The following STARD8 variants were observed in gnomAD, a reference collection of about 807,000 sequenced individuals.
The protein encoded by STARD8 is stAR-related lipid transfer protein 8.
STARD8 carries 25 observed loss-of-function variants against 69.4 expected under a neutral mutation model. The ratio of observed to expected loss-of-function variants is 0.36; its 90% CI spans 0.26 to 0.50. The LOEUF (loss-of-function observed/expected upper bound fraction) is 0.50, where lower values mean the gene tolerates loss of function less well. STARD8 is among the 20% of genes least tolerant of loss of function. The pLI is 0.96. For synonymous variants in STARD8, 389 were observed against 374.6 expected (o/e 1.04, Z -0.45); for missense variants, 921 against 932.5 (o/e 0.99, Z 0.16).
intron 10 of STARD8, 122 bp from the exon 11 acceptor site, chrX:68,721,925 G>A: frequency 2.5e-6 from 2 of 804,605 alleles, no homozygotes; most frequent in Non-Finnish European, 3.5e-6. Flanking sequence ...CCAAAAGGCA[G>A]CAGGTTGTTT....
Position 68,715,213 on chromosome X carries a change from G to A in STARD8, c.152-81G>A, listed in dbSNP as rs111688674. The A allele has an allele frequency of 3.1e-3, 2,676 of 862,092 alleles. 14 individuals are homozygous for A. The highest frequency in any genetic ancestry group is 0.019 in the African/African-American group (905 of 48,502). The allele number at this position is 862,092 out of a possible 1,213,427, so 71.0% of individuals were successfully genotyped here. A position where few individuals can be genotyped will look rare whatever the true frequency, so the allele number is the denominator to read the frequency against. On this transcript the variant is annotated intron_variant, in intron 3 of 14. Transcript: ENST00000374599. ...TTCCTGCTCCCCCTCCTTCCTGGCC[G>A]TTCCCTTCCAGCCCAAGGGCTGCTG...
At chrX:68,670,255 G>A (rs1012165145) in intron 2 of STARD8, among the ~76,000 whole-genome samples, 6 of 111,628 alleles carry the variant, frequency 5.4e-5, no homozygotes, top group African/African-American at 2.0e-4. Context: ...CTGCCCCATG[G>A]GCCTCAGTTT....
chrX:68,652,833 C>G (rs867472695), intron 1 of STARD8, among the ~76,000 whole-genome samples: 1 of 26,045 alleles, frequency 3.8e-5, no homozygotes, highest in Non-Finnish European at 7.6e-5. Context: ...ACCCCACACC[C>G]CACACACACC....
chrX:68,684,952 T>C (rs1320635177), intron 2 of STARD8, among the ~76,000 whole-genome samples: 1 of 112,378 alleles, frequency 8.9e-6, no homozygotes, highest in African/African-American at 3.2e-5. Context: ...ACCATTGCCC[T>C]GGGGAAAAGG....
chrX:68,719,317 A>C lies in STARD8; in HGVS notation c.1808A>C (p.Asn603Thr), dbSNP rs768529069. ...AACCGGCAGTTTGCAGGCCAGATCAACCTCCTGCACAAGGGCTCACTGCTG... is the reference window on the plus strand; with the variant it reads ...AACCGGCAGTTTGCAGGCCAGATCACCCTCCTGCACAAGGGCTCACTGCTG... ...EINRQFAGQI[N>T]LLHKGSLLRL... is the part of the protein sequence containing the mutation. The change falls in exon 7 of 15, where the codon AAC becomes ACC. Residue 603 changes from asparagine to threonine, a missense_variant. Asn to Thr is a moderately conservative substitution (Grantham distance 65, BLOSUM62 0). Transcript: ENST00000374599. The C allele has an allele frequency of 8.3e-7, 1 of 1,208,656 alleles. No homozygotes were observed. Among genetic ancestry groups the C allele is most frequent in the South Asian group, 1.8e-5 (1 of 56,434 alleles).
At chrX:68,718,770 G>GTACA in intron 6 of STARD8, 141 bp downstream of exon 6, 3 of 1,055,128 alleles carry the variant, frequency 2.8e-6, no homozygotes, top group Non-Finnish European at 3.7e-6. Flanking sequence ...AGGAGAGAGA[G>GTACA]TACAGGACTT....
chrX:68,687,677 A>G (rs995722757), intron 2 of STARD8, among the ~76,000 whole-genome samples: 2 of 112,502 alleles, frequency 1.8e-5, no homozygotes, highest in Admixed American at 9.3e-5. Context: ...GCCAGGTCAC[A>G]CAGTTCCTCC....
At position 68,720,322 on chromosome X, in the gene STARD8, T is replaced by C. The variant is rs778746348; in HGVS notation, c.1948T>C (p.Phe650Leu). The C allele has an allele frequency of 9.1e-6, 11 of 1,207,513 alleles. No homozygotes were observed. The highest frequency in any genetic ancestry group is 1.1e-5 in the Non-Finnish European group (10 of 893,466). The change falls in exon 8 of 15, where the codon TTT (phenylalanine) becomes CTT (leucine). Residue 650 changes from phenylalanine to leucine, a missense_variant. Physicochemically the swap from Phe to Leu is conservative, Grantham distance 22. Transcript: ENST00000374599. Reference protein sequence around the residue: ...KTPDYRGQHVFGVPPLIHVQR... With the variant: ...KTPDYRGQHVLGVPPLIHVQR... ...CCCAGATTACCGGGGACAGCACGTA[T>C]TTGGGGTGCCACCCCTCATCCACGT...
chrX:68,697,777 C>G (rs1037142477), intron 2 of STARD8, among the ~76,000 whole-genome samples: 7 of 112,489 alleles, frequency 6.2e-5, no homozygotes, highest in Non-Finnish European at 9.4e-5. Flanking sequence ...GCCCTCTACC[C>G]CCATGTGGGG....
At chrX:68,694,002 TTGGGGGG>T (rs1467969930) in intron 2 of STARD8, among the ~76,000 whole-genome samples, 4 of 112,779 alleles carry the variant, frequency 3.5e-5, no homozygotes, top group Non-Finnish European at 7.5e-5. Flanking sequence ...GCCCCTGGGA[TTGGGGGG>T]TCAGAATCGC....
At chrX:68,722,273 C>T (rs891011039) in intron 11 of STARD8, 112 bp downstream of exon 11, 1 of 836,169 alleles carries the variant, frequency 1.2e-6, no homozygotes, top group African/African-American at 2.0e-5. Flanking sequence ...ACCCCTCAAG[C>T]TTATACCCCC....
intron 3 of STARD8, among the ~76,000 whole-genome samples, chrX:68,713,205 C>T (rs946803851): frequency 8.9e-6 from 1 of 112,028 alleles, no homozygotes; most frequent in Non-Finnish European, 1.9e-5. Context: ...TCTGCTGTTG[C>T]CCATGCCTTT....
intron 1 of STARD8, among the ~76,000 whole-genome samples, chrX:68,661,972 CTTTCTTTCTTTCTTTCTTTCTTTCTT>C (rs1259102225): frequency 3.6e-4 from 13 of 36,400 alleles, no homozygotes; most frequent in African/African-American, 1.4e-3. Context: ...CTCTCTCTCT[CTTTCTTTCTTTCTTTCTTTCTTTCTT>C]TCTTTCTTTC....
At chrX:68,675,536 T>C (rs936957212) in intron 2 of STARD8, among the ~76,000 whole-genome samples, 1 of 88,775 alleles carries the variant, frequency 1.1e-5, no homozygotes, top group Non-Finnish European at 2.1e-5. Context: ...ACTATCAAAT[T>C]ACCACCATGA....
chrX:68,725,555 A>AATATATATATATAT lies in STARD8; in HGVS notation c.*1144_*1157dup, dbSNP rs771897636. The AATATATATATATAT allele has an allele frequency of 4.3e-5, 4 of 93,486 alleles. No individual in the cohort carries two copies. The highest frequency in any genetic ancestry group is 1.3e-4 in the African/African-American group (3 of 23,916). 7.7% of individuals were successfully genotyped at this position (93,486 alleles called of 1,213,427 possible). ...TTGTACCTGTAAATACTGTACAGCT[A>AATATATATATATAT]ATATATATATATATATATATATATG... On this transcript the variant is annotated 3_prime_UTR_variant, in exon 15 of 15. Transcript: ENST00000374599.
chrX:68,719,312 G>A lies in STARD8; in HGVS notation c.1803G>A (p.Gln601=), dbSNP rs1405384569. ...AGATCAACCGGCAGTTTGCAGGCCA[G>A]ATCAACCTCCTGCACAAGGGCTCAC... ...SLEINRQFAG[Q]INLLHKGSLL... Residue 601 remains glutamine, a synonymous_variant, in exon 7 of 15, where the codon CAG becomes CAA. Coordinates refer to ENST00000374599, the MANE Select transcript of STARD8 (RefSeq NM_001142503.3). 2 of 1,208,528 alleles carry A rather than the reference G, an allele frequency of 1.7e-6. No individual in the cohort carries two copies. Among genetic ancestry groups the A allele is most frequent in the Non-Finnish European group, 2.2e-6 (2 of 894,222 alleles).
intron 2 of STARD8, among the ~76,000 whole-genome samples, chrX:68,708,973 C>G (rs2080029305): frequency 9.0e-6 from 1 of 110,894 alleles, no homozygotes; most frequent in South Asian, 3.9e-4. Flanking sequence ...TGGGGTCGCT[C>G]CTGGCCTCAG....
rs1290424326 is a variant in STARD8 at position 68,717,689 on chromosome X, G to A, written c.775G>A (p.Ala259Thr). 9 of 1,212,010 alleles carry A rather than the reference G, an allele frequency of 7.4e-6. No homozygotes were observed. Among genetic ancestry groups the A allele is most frequent in the Non-Finnish European group, 1.0e-5 (9 of 895,590 alleles). Residue 259 changes from alanine to threonine, a missense_variant, in exon 6 of 15, where the codon GCC becomes ACC. By Grantham distance (58) the Ala-to-Thr change is moderately conservative. Coordinates refer to ENST00000374599, the MANE Select transcript of STARD8 (RefSeq NM_001142503.3). ...CTTCCTCTCAGCTGGATTTTACAGG[G>A]CCAAGAACTGGGCCGCCACCTCAGC... ...RGFLSAGFYR[A>T]KNWAATSAGG...
chrX:68,689,301 G>GGC (rs1275718598), intron 2 of STARD8, among the ~76,000 whole-genome samples: 1 of 106,600 alleles, frequency 9.4e-6, no homozygotes. Flanking sequence ...GGCGTTAGTG[G>GGC]GGTGCTCCAT....
Sources: allele counts gnomAD v4.1 joint callset (sites outside exome capture counted in the v4.1 genomes callset), GRCh38; gene constraint gnomAD v4.1.1; transcripts MANE v1.5; gene names NCBI Gene and HGNC (gene_info 2026-07-23, HGNC 2026-07-21).